The following CCDC198 variants were observed in gnomAD, a reference collection of about 807,000 sequenced individuals.
CCDC198 encodes factor associated with metabolism and energy.
CCDC198 carries 18 observed loss-of-function variants against 35.6 expected under a neutral mutation model. That is an observed-to-expected ratio of 0.51 (90% CI 0.35 to 0.75). The LOEUF (loss-of-function observed/expected upper bound fraction) is 0.75, where lower values mean the gene tolerates loss of function less well. Ranked by LOEUF, CCDC198 falls within the 30% of genes least tolerant of loss-of-function variation. CCDC198 has a pLI of 0.01. For synonymous variants in CCDC198, 119 were observed against 113.4 expected (o/e 1.05, Z -0.31); for missense variants, 365 against 343.7 (o/e 1.06, Z -0.49).
chr14:57,480,628 T>TCA lies in CCDC198; in HGVS notation c.621_622insTG (p.Met208Ter). On this transcript the variant is annotated frameshift_variant, in exon 5 of 6. Transcript: ENST00000216445. LOFTEE classifies it high-confidence loss of function. The stretch of plus-strand genomic sequence containing the variant: ...CTGTTCAAGATTTCATCAGGCAACA[T>TCA]GGTTAGAAGGTCATGGTCATCATTC... 6.2e-7 allele frequency: 1 copy of TCA among 1,614,166 alleles called. No individual in the cohort carries two copies.
intron 5 of CCDC198, among the ~76,000 whole-genome samples, chr14:57,475,118 G>A (rs564734174): frequency 0.014 from 2,130 of 151,744 alleles, 25 homozygotes; most frequent in African/African-American, 0.019. Context: ...AAAATTAGCC[G>A]GGCATGGTGG....
chr14:57,486,927 C>T (rs553737772), intron 2 of CCDC198, among the ~76,000 whole-genome samples: 22 of 152,326 alleles, frequency 1.4e-4, no homozygotes, highest in African/African-American at 4.8e-4. Context: ...CAAGGAATCA[C>T]ACTATTCCTT....
intron 2 of CCDC198, among the ~76,000 whole-genome samples, chr14:57,488,601 G>A (rs958301647): frequency 4.6e-5 from 7 of 152,116 alleles, no homozygotes; most frequent in African/African-American, 1.7e-4. Context: ...CCTACAGAAT[G>A]GGAGAAAATT....
chr14:57,471,716 T>A (rs1414458107), intron 5 of CCDC198, 126 bp from the exon 6 acceptor site: 1 of 98,504 alleles, frequency 1.0e-5, no homozygotes, highest in Non-Finnish European at 1.8e-5. Flanking sequence ...TTTGAAAAAT[T>A]ATATATATAT....
intron 2 of CCDC198, among the ~76,000 whole-genome samples, chr14:57,484,081 T>C (rs1258735018): frequency 6.6e-6 from 1 of 152,184 alleles, no homozygotes; most frequent in Non-Finnish European, 1.5e-5. Flanking sequence ...TGACACTACA[T>C]AACTGAAGGA....
At chr14:57,473,426 A>G (rs868656146) in intron 5 of CCDC198, among the ~76,000 whole-genome samples, 26 of 152,282 alleles carry the variant, frequency 1.7e-4, no homozygotes, top group Middle Eastern at 3.4e-3. Context: ...AGCAAACGGT[A>G]CTAACTTTAC....
At chr14:57,479,470 A>G (rs757114272) in intron 5 of CCDC198, among the ~76,000 whole-genome samples, 3 of 152,112 alleles carry the variant, frequency 2.0e-5, no homozygotes, top group African/African-American at 4.8e-5. Flanking sequence ...ACATGGTCAG[A>G]TTTGCATTTT....
chr14:57,481,149 G>A (rs1287511156), intron 4 of CCDC198, among the ~76,000 whole-genome samples: 3 of 151,808 alleles, frequency 2.0e-5, no homozygotes, highest in African/African-American at 7.3e-5. Flanking sequence ...TTGGTTGGTT[G>A]TTTTTTTTAC....
chr14:57,489,131 C>T (rs1360469135), intron 2 of CCDC198, among the ~76,000 whole-genome samples: 1 of 152,114 alleles, frequency 6.6e-6, no homozygotes, highest in Non-Finnish European at 1.5e-5. Flanking sequence ...CCTACATGCC[C>T]ACCAGTGATA....
intron 2 of CCDC198, among the ~76,000 whole-genome samples, chr14:57,488,879 G>T (rs188724680): frequency 6.6e-6 from 1 of 152,240 alleles, no homozygotes; most frequent in East Asian, 1.9e-4. Flanking sequence ...AACAACAGAT[G>T]CTGGAGAGGT....
chr14:57,486,148 G>A (rs1237126130), intron 2 of CCDC198, among the ~76,000 whole-genome samples: 1 of 152,138 alleles, frequency 6.6e-6, no homozygotes, highest in Non-Finnish European at 1.5e-5. Flanking sequence ...CTGGAAGCTG[G>A]GGAGAACAAA....
At chr14:57,483,019 G>A (rs376382404) in intron 3 of CCDC198, 46 bp downstream of exon 3, 18 of 1,612,692 alleles carry the variant, frequency 1.1e-5, no homozygotes, top group Non-Finnish European at 1.3e-5. Flanking sequence ...ATCCTGTGTC[G>A]CCCACCCCCA....
intron 2 of CCDC198, among the ~76,000 whole-genome samples, chr14:57,488,098 A>T (rs2067428097): frequency 6.6e-6 from 1 of 152,174 alleles, no homozygotes; most frequent in African/African-American, 2.4e-5. Flanking sequence ...AAAAAGGCCA[A>T]TCTGTCCATT....
chr14:57,477,767 G>A (rs570925067), intron 5 of CCDC198, among the ~76,000 whole-genome samples: 13 of 152,088 alleles, frequency 8.5e-5, no homozygotes, highest in East Asian at 3.9e-4. Context: ...GCATGATCTC[G>A]GCTCACTGCA....
At position 57,475,498 on chromosome 14, in the gene CCDC198, G is replaced by A. The variant is rs891587549; in HGVS notation, c.656-3908C>T. 4 of 1,130,440 alleles carry A rather than the reference G, an allele frequency of 3.5e-6. No homozygotes were observed. In the Admixed American group the frequency reaches 1.3e-4, roughly 35 times the overall value. The allele number at this position is 1,130,440 out of a possible 1,614,324, so 70.0% of individuals were successfully genotyped here. A position where few individuals can be genotyped will look rare whatever the true frequency, so the allele number is the denominator to read the frequency against. ...TGCCTGTAATCGGATCATGAGGTCA[G>A]GAGTTCGAGACCAGCTTGGCCAACA... is the stretch of plus-strand genomic sequence containing the variant. On this transcript the variant is annotated intron_variant, in intron 5 of 5. Transcript: ENST00000216445.
intron 2 of CCDC198, among the ~76,000 whole-genome samples, chr14:57,484,923 G>A (rs2067307490): frequency 6.6e-6 from 1 of 152,170 alleles, no homozygotes; most frequent in Non-Finnish European, 1.5e-5. Context: ...AAGATGATGG[G>A]CTGGGGTTGA....
intron 2 of CCDC198, among the ~76,000 whole-genome samples, chr14:57,483,592 T>C (rs1423603216): frequency 6.6e-6 from 1 of 152,216 alleles, no homozygotes; most frequent in African/African-American, 2.4e-5. Flanking sequence ...GAGAAGCTCC[T>C]TAGTAGTAAT....
At chr14:57,477,925 T>C (rs1407804067) in intron 5 of CCDC198, among the ~76,000 whole-genome samples, 1 of 152,160 alleles carries the variant, frequency 6.6e-6, no homozygotes, top group Non-Finnish European at 1.5e-5. Flanking sequence ...CTCGAACCCC[T>C]GACCTCAGGT....
chr14:57,471,735 T>C (rs2066827346), intron 5 of CCDC198, 145 bp from the exon 6 acceptor site: 1 of 176,412 alleles, frequency 5.7e-6, no homozygotes, highest in South Asian at 2.0e-4. Context: ...ATATAATATA[T>C]ATATATATAC....
Sources: gnomAD v4.1 joint callset for allele counts (sites outside exome capture counted in the v4.1 genomes callset) on GRCh38, gnomAD v4.1.1 for gene constraint, MANE v1.5 for transcripts, NCBI Gene and HGNC (gene_info 2026-07-23, HGNC 2026-07-21) for gene names.